Variants in LRRC9 observed in about 807,000 individuals in gnomAD.
LRRC9 encodes leucine rich repeat containing 9, also known as leucine-rich repeat-containing protein 9.
In LRRC9, 122 loss-of-function variants were observed where a neutral mutation model predicts 63.2. The observed-to-expected ratio is 1.93, with a 90% confidence interval of 1.67 to 2.24. The LOEUF (loss-of-function observed/expected upper bound fraction) is 2.24. Among genes scored for constraint, LRRC9 ranks in the 30% most tolerant of loss-of-function variants. LRRC9 has a pLI of 0.00. For synonymous variants in LRRC9, 366 were observed against 213.1 expected (o/e 1.72, Z -6.25); for missense variants, 1,071 against 627.7 (o/e 1.71, Z -7.55).
intron 29 of LRRC9, among the ~76,000 whole-genome samples, chr14:60,033,313 C>A (rs1241649340): frequency 6.6e-6 from 1 of 152,036 alleles, no homozygotes; most frequent in Non-Finnish European, 1.5e-5. Context: ...CTTTGCTTCT[C>A]TTAGTGTGCT....
chr14:60,056,610 T>C (rs1284327571), intron 30 of LRRC9, among the ~76,000 whole-genome samples: 1 of 152,206 alleles, frequency 6.6e-6, no homozygotes, highest in Non-Finnish European at 1.5e-5. Flanking sequence ...TTTAACTGTC[T>C]TTCAACTTAG....
downstream of LRRC9, among the ~76,000 whole-genome samples, chr14:60,066,262 C>G (rs1299332194): frequency 6.6e-6 from 1 of 151,838 alleles, no homozygotes; most frequent in African/African-American, 2.4e-5. Context: ...ACAAATAACC[C>G]TTATATTTAA....
At position 60,006,608 on chromosome 14, in the gene LRRC9, C is replaced by T. The variant is rs544365137; in HGVS notation, c.3054C>T (p.His1018=). 8 of 670,510 alleles carry T rather than the reference C, an allele frequency of 1.2e-5. No individual in the cohort carries two copies. In the African/African-American group the frequency reaches 1.4e-4, roughly 12 times the overall value. The allele number at this position is 670,510 out of a possible 1,614,324, so 41.5% of individuals were successfully genotyped here. A position where few individuals can be genotyped will look rare whatever the true frequency, so the allele number is the denominator to read the frequency against. The change falls in exon 22 of 32, where the codon CAC becomes CAT. Residue 1018 remains histidine, a synonymous_variant. Coordinates refer to ENST00000445360, the Ensembl canonical transcript of LRRC9. The stretch of plus-strand genomic sequence containing the variant: ...ATATTGCTGTCAATCAGGAGATGCA[C>T]AATTTAAAGGTAATCATCTGGGTAG...
chr14:59,942,512 G>C lies in LRRC9; in HGVS notation c.727-2077G>C, dbSNP rs1465633157. On this transcript the variant is annotated intron_variant, in intron 7 of 31. Coordinates refer to ENST00000445360, the Ensembl canonical transcript of LRRC9. This position sits in a 1 kb window ranked among gnomAD's most constrained non-coding sequence, Gnocchi z 5.3. ...GGCCCAGGTGGGCGGATCACTTGAG[G>C]TCAGCAGTTTGTAACCAGCCTGGCC... 1.3e-5 allele frequency among the ~76,000 whole-genome samples: 2 copies of C among 152,148 alleles called. No individual in the cohort carries two copies. The highest frequency in any genetic ancestry group is 2.9e-5 in the Non-Finnish European group (2 of 68,024).
chr14:60,028,085 G>A, exon 28 of LRRC9: 2 of 694,062 alleles, frequency 2.9e-6, no homozygotes, highest in South Asian at 1.5e-5. Flanking sequence ...CTCTTCCTAG[G>A]ATATAATAAA....
At chr14:59,960,975 C>A in exon 10 of LRRC9, 1 of 694,708 alleles carries the variant, frequency 1.4e-6, no homozygotes. Flanking sequence ...CTTATTGATC[C>A]CACTTTTGTT....
chr14:60,052,290 G>C (rs1160084724), intron 29 of LRRC9, among the ~76,000 whole-genome samples: 2 of 152,194 alleles, frequency 1.3e-5, no homozygotes, highest in Non-Finnish European at 2.9e-5. Context: ...TTCAGAATCA[G>C]TCAATACATT....
intron 8 of LRRC9, among the ~76,000 whole-genome samples, chr14:59,952,741 T>A (rs1325979137): frequency 6.6e-6 from 1 of 152,192 alleles, no homozygotes; most frequent in Non-Finnish European, 1.5e-5. Flanking sequence ...GCTGCACCTA[T>A]CAACCTGTCA....
intron 17 of LRRC9, among the ~76,000 whole-genome samples, chr14:59,996,502 A>T (rs1184365965): frequency 6.6e-6 from 1 of 152,204 alleles, no homozygotes; most frequent in East Asian, 1.9e-4. Flanking sequence ...ATCAAACATA[A>T]CAAATTAAAG....
chr14:60,059,677 T>C (rs1189221542), intron 31 of LRRC9, among the ~76,000 whole-genome samples: 1 of 152,192 alleles, frequency 6.6e-6, no homozygotes, highest in African/African-American at 2.4e-5. Context: ...ACCCTAACTG[T>C]CTTCAAGTCT....
chr14:59,982,445 C>A (rs554833431), intron 16 of LRRC9, among the ~76,000 whole-genome samples: 79 of 152,192 alleles, frequency 5.2e-4, no homozygotes, highest in Non-Finnish European at 9.6e-4. Context: ...CTGGGACATC[C>A]AAGAGCATGG....
At chr14:59,972,436 G>T (rs1464414517) in intron 12 of LRRC9, among the ~76,000 whole-genome samples, 1 of 152,050 alleles carries the variant, frequency 6.6e-6, no homozygotes, top group African/African-American at 2.4e-5. Flanking sequence ...GGAACTCTAA[G>T]TAGTCTTTCT....
At chr14:60,049,617 T>C (rs912190824) in intron 29 of LRRC9, among the ~76,000 whole-genome samples, 9 of 152,204 alleles carry the variant, frequency 5.9e-5, no homozygotes, top group Non-Finnish European at 8.8e-5. Context: ...TGCTGAAAGG[T>C]ATGCTGTTAG....
At chr14:60,056,483 A>G (rs139858102) in intron 30 of LRRC9, among the ~76,000 whole-genome samples, 157 of 152,256 alleles carry the variant, frequency 1.0e-3, no homozygotes, top group African/African-American at 3.6e-3. Context: ...TTTGTTGGCT[A>G]TTCTTTTCTA....
chr14:60,039,599 CGGT>C (rs1409740683), intron 29 of LRRC9, among the ~76,000 whole-genome samples: 1 of 152,052 alleles, frequency 6.6e-6, no homozygotes, highest in Non-Finnish European at 1.5e-5. Context: ...TCTGTGGGAT[CGGT>C]GGTGATATCC....
chr14:60,050,335 C>A (rs1279659774), intron 29 of LRRC9, among the ~76,000 whole-genome samples: 2 of 152,120 alleles, frequency 1.3e-5, no homozygotes. Context: ...CCTCTGAGAT[C>A]CTTTCACTGC....
intron 27 of LRRC9, among the ~76,000 whole-genome samples, chr14:60,025,525 G>C (rs1032741153): frequency 3.9e-5 from 6 of 152,038 alleles, no homozygotes; most frequent in African/African-American, 1.4e-4. Flanking sequence ...TGGCAAATTA[G>C]AGTAGGGCAG....
chr14:59,987,953 AGT>A (rs1401592271), intron 17 of LRRC9, among the ~76,000 whole-genome samples: 177 of 152,338 alleles, frequency 1.2e-3, no homozygotes, highest in African/African-American at 3.4e-3. Context: ...CATTTCCCAA[AGT>A]GAGCAACTCT....
chr14:59,945,757 G>A (rs1882301747), intron 8 of LRRC9, among the ~76,000 whole-genome samples: 1 of 151,910 alleles, frequency 6.6e-6, no homozygotes, highest in Non-Finnish European at 1.5e-5. Flanking sequence ...AAAGGTAAAT[G>A]TCTAAATAGA....
Sources: gnomAD v4.1 joint callset for allele counts (sites outside exome capture counted in the v4.1 genomes callset) on GRCh38, gnomAD v4.1.1 for gene constraint, Gnocchi (gnomAD v3.1) non-coding constraint, MANE v1.5 for transcripts, NCBI Gene and HGNC (gene_info 2026-07-23, HGNC 2026-07-21) for gene names.